Variants in SEMA3F observed in about 807,000 individuals in gnomAD.
The protein encoded by SEMA3F is semaphorin-3F.
SEMA3F carries 30 observed loss-of-function variants against 98.5 expected under a neutral mutation model. That is an observed-to-expected ratio of 0.30 (90% confidence interval 0.23 to 0.41). SEMA3F has a LOEUF of 0.41. Among genes scored for constraint, SEMA3F ranks in the 10% least tolerant of loss-of-function variants. The probability of loss-of-function intolerance (pLI) is 1.00; values close to 1 mark genes in which losing one functional copy is unlikely to be tolerated. For synonymous variants in SEMA3F, 380 were observed against 444.8 expected (o/e 0.85, Z 1.83); for missense variants, 866 against 1,119.3 (o/e 0.77, Z 3.23).
At chr3:50,157,292 C>T (rs935662532) in intron 1 of SEMA3F, among the ~76,000 whole-genome samples, 8 of 152,074 alleles carry the variant, frequency 5.3e-5, no homozygotes, top group African/African-American at 1.9e-4. Context: ...TTGCCAGCCC[C>T]GGCTCCTCGT....
chr3:50,182,219 A>G lies in SEMA3F; in HGVS notation c.644-65A>G. Reference sequence around the variant, plus strand: ...GAGATAAGGCCCTGCCCTGGAAGTCATCTGAGCTGTGCCCTGGCCCTAGCA... The same window carrying G: ...GAGATAAGGCCCTGCCCTGGAAGTCGTCTGAGCTGTGCCCTGGCCCTAGCA... On this transcript the variant is annotated intron_variant, in intron 7 of 18. Coordinates refer to ENST00000002829, the MANE Select transcript of SEMA3F (RefSeq NM_004186.5). The surrounding 1 kb of genome is among the most constrained non-coding windows in gnomAD (Gnocchi z 4.5). 3 of 1,611,516 alleles carry G rather than the reference A, an allele frequency of 1.9e-6. No individual in the cohort carries two copies. Among genetic ancestry groups the G allele is most frequent in the Non-Finnish European group, 2.5e-6 (3 of 1,178,184 alleles).
chr3:50,169,087 G>A (rs1698510308), intron 2 of SEMA3F, among the ~76,000 whole-genome samples: 1 of 152,166 alleles, frequency 6.6e-6, no homozygotes, highest in East Asian at 1.9e-4. Context: ...AAGGGGGCGG[G>A]CTGCCCACCT....
chr3:50,172,348 C>T (rs927593223), intron 2 of SEMA3F, among the ~76,000 whole-genome samples: 3 of 152,128 alleles, frequency 2.0e-5, no homozygotes, highest in African/African-American at 7.2e-5. Flanking sequence ...TTTTGCTGAG[C>T]TAAAGATAGC....
rs1698394612 is a variant in SEMA3F at position 50,166,126 on chromosome 3, G to A, written c.112+6392G>A. On this transcript the variant is annotated intron_variant, in intron 2 of 18. Coordinates refer to ENST00000002829, the MANE Select transcript of SEMA3F (RefSeq NM_004186.5). This position sits in a 1 kb window ranked among gnomAD's most constrained non-coding sequence, Gnocchi z 4.7. ...TTCCTTCCTCCCCCTACTCCCCCTT[G>A]CCTCCACCCCTCCCTTTGCCACCCC... 1.1e-5 allele frequency among the ~76,000 whole-genome samples: 1 copy of A among 91,358 alleles called. No homozygotes were observed. The highest frequency in any genetic ancestry group is 2.2e-5 in the Non-Finnish European group (1 of 44,570). 59.9% of individuals were successfully genotyped at this position (91,358 alleles called of 152,430 possible).
chr3:50,186,359 TG>T lies in SEMA3F; in HGVS notation c.1813+14del, dbSNP rs1699213181. The T allele has an allele frequency of 6.2e-7, 1 of 1,612,318 alleles. No homozygotes were observed. Among genetic ancestry groups the T allele is most frequent in the Admixed American group, 1.7e-5 (1 of 59,928 alleles). On this transcript the variant is annotated intron_variant, in intron 17 of 18. Transcript: ENST00000002829. Reference sequence around the variant, plus strand: ...GGTTCAACTCCAATGGTGAGTATGCTGGGCCTCACTGTGGGGTGCTGCTCAC... The same window carrying T: ...GGTTCAACTCCAATGGTGAGTATGCTGGCCTCACTGTGGGGTGCTGCTCAC...
At position 50,187,422 on chromosome 3, in the gene SEMA3F, C is replaced by CAAA. The variant is rs901489365; in HGVS notation, c.1948-261_1948-259dup. On this transcript the variant is annotated intron_variant, in intron 18 of 18. Coordinates refer to ENST00000002829, the MANE Select transcript of SEMA3F (RefSeq NM_004186.5). ...TAGGCGACAGAGCCAGACCTTGTCT[C>CAAA]AAAAAAAAAAAAAAAAAAAAAAAAG... is the stretch of plus-strand genomic sequence containing the variant. Among the ~76,000 whole-genome samples the CAAA allele has an allele frequency of 2.4e-4, 14 of 58,878 alleles. No homozygotes were observed. In the East Asian group the frequency reaches 2.6e-3, roughly 11 times the overall value. The allele number at this position is 58,878 out of a possible 152,430, so 38.6% of individuals were successfully genotyped here. A position where few individuals can be genotyped will look rare whatever the true frequency, so the allele number is the denominator to read the frequency against.
At chr3:50,175,546 C>T (rs1038860609) in intron 6 of SEMA3F, among the ~76,000 whole-genome samples, 2 of 152,246 alleles carry the variant, frequency 1.3e-5, no homozygotes, top group Non-Finnish European at 2.9e-5. Flanking sequence ...GAAAGTGGCA[C>T]ATGAGTGCAG....
chr3:50,165,381 G>C (rs1698365198), intron 2 of SEMA3F, among the ~76,000 whole-genome samples: 1 of 152,232 alleles, frequency 6.6e-6, no homozygotes, highest in African/African-American at 2.4e-5. Context: ...AAATTCCAGT[G>C]ATACGGATGC....
intron 2 of SEMA3F, among the ~76,000 whole-genome samples, chr3:50,171,090 T>G (rs1381551277): frequency 6.6e-6 from 1 of 152,150 alleles, no homozygotes; most frequent in African/African-American, 2.4e-5. Context: ...CTTGGTATTG[T>G]GAGCACAGGG....
intron 1 of SEMA3F, among the ~76,000 whole-genome samples, chr3:50,157,070 C>G (rs1698013213): frequency 6.6e-6 from 1 of 152,042 alleles, no homozygotes; most frequent in African/African-American, 2.4e-5. Flanking sequence ...TCCCCATGTT[C>G]CCCTACGGCC....
intron 2 of SEMA3F, among the ~76,000 whole-genome samples, chr3:50,171,118 G>A (rs1698581818): frequency 6.6e-6 from 1 of 152,152 alleles, no homozygotes; most frequent in Non-Finnish European, 1.5e-5. Context: ...CACAGCGGGT[G>A]TTCGATAACT....
chr3:50,174,465 G>A, intron 5 of SEMA3F, 115 bp downstream of exon 5: 3 of 1,302,376 alleles, frequency 2.3e-6, no homozygotes, highest in Non-Finnish European at 3.2e-6. Flanking sequence ...TTTTGACCTT[G>A]GGTGAGTGAC....
intron 14 of SEMA3F, 58 bp downstream of exon 14, chr3:50,185,589 G>A (rs1334436522): frequency 6.2e-7 from 1 of 1,612,422 alleles, no homozygotes; most frequent in Non-Finnish European, 8.5e-7. Context: ...CCCAGTCCCA[G>A]CCTCTGACCT....
chr3:50,161,122 G>A (rs972257392), intron 2 of SEMA3F, among the ~76,000 whole-genome samples: 9 of 152,166 alleles, frequency 5.9e-5, no homozygotes, highest in Non-Finnish European at 1.0e-4. Context: ...GTCTGGCAGC[G>A]AGAGTAGAGT....
Position 50,184,738 on chromosome 3 carries a change from C to G in SEMA3F, c.1380C>G (p.Pro460=). 1 of 1,614,154 alleles carries G rather than the reference C, an allele frequency of 6.2e-7. No homozygotes were observed. The highest frequency in any genetic ancestry group is 1.1e-5 in the South Asian group (1 of 91,088). The change falls in exon 13 of 19, where the codon CCC becomes CCG. Residue 460 remains proline, a synonymous_variant. Transcript: ENST00000002829. The stretch of plus-strand genomic sequence containing the variant: ...CCCTGGTAGTCCGCACAGGTGCTCC[C>G]TACCGCCTTACCACTATTGCCGTGG... ...RRPLVVRTGA[P]YRLTTIAVDQ...
At chr3:50,160,626 C>T (rs145851797) in intron 2 of SEMA3F, among the ~76,000 whole-genome samples, 169 of 152,318 alleles carry the variant, frequency 1.1e-3, no homozygotes, top group African/African-American at 3.8e-3. Context: ...CAGCCTTGGC[C>T]CTCCTCTGGC....
Position 50,166,142 on chromosome 3 carries a change from T to C in SEMA3F, c.112+6408T>C, listed in dbSNP as rs1003966818. Reference sequence around the variant, plus strand: ...CTCCCCCTTGCCTCCACCCCTCCCTTTGCCACCCCTCTTGGCTTCCTACCC... The same window carrying C: ...CTCCCCCTTGCCTCCACCCCTCCCTCTGCCACCCCTCTTGGCTTCCTACCC... On this transcript the variant is annotated intron_variant, in intron 2 of 18. Coordinates refer to ENST00000002829, the MANE Select transcript of SEMA3F (RefSeq NM_004186.5). This position sits in a 1 kb window ranked among gnomAD's most constrained non-coding sequence, Gnocchi z 4.7. 6.6e-6 allele frequency among the ~76,000 whole-genome samples: 1 copy of C among 151,148 alleles called. No homozygotes were observed. Among genetic ancestry groups the C allele is most frequent in the African/African-American group, 2.4e-5 (1 of 41,114 alleles).
chr3:50,175,114 A>G lies in SEMA3F; in HGVS notation c.475A>G (p.Thr159Ala). The G allele has an allele frequency of 6.2e-7, 1 of 1,611,566 alleles. No individual in the cohort carries two copies. Among genetic ancestry groups the G allele is most frequent in the Non-Finnish European group, 8.5e-7 (1 of 1,179,182 alleles). ...RRAQATPWTQTQAVRGRGSRA... is the reference protein window; with the variant it reads ...RRAQATPWTQAQAVRGRGSRA... The stretch of plus-strand genomic sequence containing the variant: ...TTCTCAGGCCACACCATGGACCCAG[A>G]CTCAGGCGGTCAGAGGCCGCGGCAG... Residue 159 changes from threonine to alanine, a missense_variant, in exon 6 of 19, where the codon ACT becomes GCT. This residue lies in a region of SEMA3F where 247 missense variants were observed against 276.0 expected (regional missense o/e 0.89). Transcript: ENST00000002829.
At chr3:50,168,519 G>A (rs1481644483) in intron 2 of SEMA3F, among the ~76,000 whole-genome samples, 1 of 152,136 alleles carries the variant, frequency 6.6e-6, no homozygotes, top group African/African-American at 2.4e-5. Flanking sequence ...CAAGCAGGAG[G>A]AAGGTACGTA....
Sources: allele counts gnomAD v4.1 joint callset (sites outside exome capture counted in the v4.1 genomes callset), GRCh38; gene constraint gnomAD v4.1.1; regional missense constraint gnomAD v4.1.1; non-coding constraint Gnocchi (gnomAD v3.1); transcripts MANE v1.5; gene names NCBI Gene and HGNC (gene_info 2026-07-23, HGNC 2026-07-21).